Variants in DMXL1 observed in about 807,000 individuals in gnomAD.
The protein encoded by DMXL1 is Dmx like 1.
DMXL1 carries 99 observed loss-of-function variants against 319.2 expected under a neutral mutation model. The ratio of observed to expected loss-of-function variants is 0.31; its 90% CI spans 0.26 to 0.37. The LOEUF is 0.37. DMXL1 is among the 10% of genes least tolerant of loss of function. The probability of loss-of-function intolerance (pLI) is 1.00; values close to 1 mark genes in which losing one functional copy is unlikely to be tolerated. For synonymous variants in DMXL1, 1,385 were observed against 1,235.2 expected (o/e 1.12, Z -2.54); for missense variants, 3,745 against 3,595.6 (o/e 1.04, Z -1.06).
chr5:119,215,029 C>G (rs1039854207), intron 34 of DMXL1, among the ~76,000 whole-genome samples: 7 of 152,138 alleles, frequency 4.6e-5, no homozygotes, highest in African/African-American at 1.7e-4. Context: ...GGAATTTTGT[C>G]ATAAAATTAT....
At chr5:119,147,034 A>T in intron 16 of DMXL1, 78 bp downstream of exon 16, 1 of 1,514,512 alleles carries the variant, frequency 6.6e-7, no homozygotes, top group Non-Finnish European at 9.0e-7. Context: ...ATAATTTGGG[A>T]CATATTTCTT....
intron 19 of DMXL1, among the ~76,000 whole-genome samples, chr5:119,159,923 C>G (rs868394091): frequency 6.6e-6 from 1 of 152,216 alleles, no homozygotes; most frequent in African/African-American, 2.4e-5. Flanking sequence ...TGCGCCTAGC[C>G]TTTCTTTTTC....
chr5:119,140,146 C>G (rs1291239759), intron 13 of DMXL1, among the ~76,000 whole-genome samples: 1 of 152,100 alleles, frequency 6.6e-6, no homozygotes, highest in Non-Finnish European at 1.5e-5. Context: ...ATTTATAGTA[C>G]TAAATGCCCA....
chr5:119,090,516 G>T (rs1754519783), intron 1 of DMXL1, among the ~76,000 whole-genome samples: 1 of 144,816 alleles, frequency 6.9e-6, no homozygotes, highest in African/African-American at 2.5e-5. Flanking sequence ...TTTGTATCTT[G>T]TAGGCAACTT....
chr5:119,147,103 T>C (rs556260603), intron 16 of DMXL1, 146 bp from the exon 17 acceptor site: 1 of 1,150,484 alleles, frequency 8.7e-7, no homozygotes, highest in East Asian at 2.6e-5. Context: ...CAAAAAGCTT[T>C]TCTTATTTTC....
At chr5:119,163,442 A>T (rs1772696961) in intron 19 of DMXL1, among the ~76,000 whole-genome samples, 1 of 152,200 alleles carries the variant, frequency 6.6e-6, no homozygotes, top group Non-Finnish European at 1.5e-5. Context: ...TTTGAGACAG[A>T]GCCTTACTCT....
At chr5:119,225,928 T>A (rs937619907) in intron 38 of DMXL1, among the ~76,000 whole-genome samples, 1 of 152,156 alleles carries the variant, frequency 6.6e-6, no homozygotes, top group Admixed American at 6.6e-5. Flanking sequence ...TTAAATAATA[T>A]TATTCTACAT....
chr5:119,114,947 C>T (rs1400952888), intron 6 of DMXL1, among the ~76,000 whole-genome samples: 5 of 152,146 alleles, frequency 3.3e-5, no homozygotes, highest in Non-Finnish European at 5.9e-5. Flanking sequence ...AGATTATAGG[C>T]GTGAGCCACC....
At chr5:119,207,829 C>T (rs924728811) in intron 34 of DMXL1, among the ~76,000 whole-genome samples, 1 of 152,132 alleles carries the variant, frequency 6.6e-6, no homozygotes, top group Non-Finnish European at 1.5e-5. Flanking sequence ...GCCAATTCAA[C>T]TACGACTTTA....
intron 3 of DMXL1, 22 bp downstream of exon 3, chr5:119,102,028 C>A: frequency 6.9e-7 from 1 of 1,450,168 alleles, no homozygotes; most frequent in Non-Finnish European, 9.6e-7. Context: ...ATGATTTCTT[C>A]TTTTAGGAAT....
rs993445617 is a variant in DMXL1, at chr5:119,189,823, A to C, written c.7251A>C (p.Ser2417=). The stretch of plus-strand genomic sequence containing the variant: ...CCTCGGCACCAGTAAGCCAGGAGTC[A>C]CTGGCGGTTAAAGAAAAGTTCATCC... ...TPSSAPVSQE[S]LAVKEKFIPP... The change falls in exon 29 of 44, where the codon TCA becomes TCC. Residue 2417 remains serine (S), a synonymous_variant. Transcript: ENST00000539542. 3 of 1,614,126 alleles carry C rather than the reference A, an allele frequency of 1.9e-6. No homozygotes were observed. Among genetic ancestry groups the C allele is most frequent in the Non-Finnish European group, 2.5e-6 (3 of 1,179,976 alleles).
chr5:119,126,785 TC>T, intron 9 of DMXL1: 1 of 155,990 alleles, frequency 6.4e-6, no homozygotes, highest in Non-Finnish European at 1.5e-5. Context: ...ATTGTTCTTT[TC>T]CAGGGGTCTT....
At chr5:119,115,490 C>G (rs1351364217) in intron 6 of DMXL1, among the ~76,000 whole-genome samples, 1 of 152,182 alleles carries the variant, frequency 6.6e-6, no homozygotes, top group Non-Finnish European at 1.5e-5. Flanking sequence ...TCAAAGCATT[C>G]TGCAAACTAA....
chr5:119,073,074 A>C (rs1187483300), intron 1 of DMXL1, among the ~76,000 whole-genome samples: 1 of 152,156 alleles, frequency 6.6e-6, no homozygotes, highest in Non-Finnish European at 1.5e-5. Flanking sequence ...GCTTTTTAAA[A>C]ACTTTTGAAA....
chr5:119,235,769 C>T (rs575015964), intron 39 of DMXL1, among the ~76,000 whole-genome samples: 2 of 152,154 alleles, frequency 1.3e-5, no homozygotes, highest in Non-Finnish European at 2.9e-5. Flanking sequence ...TGTCGTTGGC[C>T]TGTCACAAAT....
At chr5:119,176,657 A>G (rs1461440791) in intron 26 of DMXL1, among the ~76,000 whole-genome samples, 2 of 152,066 alleles carry the variant, frequency 1.3e-5, no homozygotes, top group African/African-American at 4.8e-5. Context: ...TAAATGCGCT[A>G]TATTTAAGTA....
In DMXL1 at chr5:119,150,127, AAATCAAACC is replaced by A; in HGVS notation, c.4304_4312del (p.Ser1435_Gln1437del). ...ATCTAGTAATGAGAGTACGTTAAGT[AAATCAAACC>A]AATTATCTAAAGAAAGTTATGATGA... On this transcript the variant is annotated inframe_deletion, in exon 18 of 44. Coordinates refer to ENST00000539542, the MANE Select transcript of DMXL1 (RefSeq NM_001290321.3). 6.2e-7 allele frequency: 1 copy of A among 1,613,828 alleles called. No homozygotes were observed. The highest frequency in any genetic ancestry group is 1.1e-5 in the South Asian group (1 of 91,076).
rs951337091 is a variant in DMXL1 at position 119,146,751 on chromosome 5, A to T, written c.2570-86A>T. ...TAAAAGTTTTTAATCTTCTTTTTTT[A>T]AAGTCCAATTATTTTAACTTGGCAT... On this transcript the variant is annotated intron_variant, in intron 15 of 43. Coordinates refer to ENST00000539542, the MANE Select transcript of DMXL1 (RefSeq NM_001290321.3). 7.6e-6 allele frequency: 10 copies of T among 1,323,090 alleles called. No individual in the cohort carries two copies. The African/African-American group carries it at 1.5e-4, about 20-fold the overall frequency. 82.0% of individuals were successfully genotyped at this position (1,323,090 alleles called of 1,614,324 possible).
At chr5:119,197,505 G>A (rs1779850768) in intron 31 of DMXL1, among the ~76,000 whole-genome samples, 1 of 152,100 alleles carries the variant, frequency 6.6e-6, no homozygotes, top group Non-Finnish European at 1.5e-5. Context: ...CATTTTTCTG[G>A]TAATATTAAG....
Sources: allele counts gnomAD v4.1 joint callset (sites outside exome capture counted in the v4.1 genomes callset), GRCh38; gene constraint gnomAD v4.1.1; transcripts MANE v1.5; gene names NCBI Gene and HGNC (gene_info 2026-07-23, HGNC 2026-07-21).